Variants in CERKL observed in about 807,000 individuals in gnomAD.
CERKL encodes ceramide kinase-like protein.
CERKL carries 61 observed loss-of-function variants against 63.4 expected under a neutral mutation model. That is an observed-to-expected ratio of 0.96 (90% CI 0.78 to 1.19). The LOEUF is 1.19. CERKL is among the 50% of genes most tolerant of loss of function. CERKL has a pLI of 0.00. For synonymous variants in CERKL, 250 were observed against 230.5 expected, an observed-to-expected ratio of 1.08 and a Z score of -0.77; for missense variants, 675 against 655.5, an observed-to-expected ratio of 1.03 and a Z score of -0.33.
At chr2:181,634,648 T>C (rs1158596061) in intron 1 of CERKL, among the ~76,000 whole-genome samples, 1 of 152,088 alleles carries the variant, frequency 6.6e-6, no homozygotes, top group Non-Finnish European at 1.5e-5. Context: ...ACCTCTAACA[T>C]GGGTTTTCTG....
rs377625662 is a variant in CERKL at position 181,547,631 on chromosome 2, C to T, written c.1255G>A (p.Ala419Thr). The change falls in exon 10 of 13, where the codon GCA (alanine) becomes ACA (threonine). Residue 419 changes from alanine (A) to threonine (T), a missense_variant. Transcript: ENST00000410087. ...ATGCTTACTAACCTGGTATTAGGTG[C>T]CAAGCCTCTAGGTGCCACTGAACAC... ...CLCSVAPRGLAPNTRLNNGSM... is the reference protein window; with the variant it reads ...CLCSVAPRGLTPNTRLNNGSM... 1.9e-5 allele frequency: 31 copies of T among 1,613,846 alleles called. No individual in the cohort carries two copies. The highest frequency in any genetic ancestry group is 1.6e-4 in the Middle Eastern group (1 of 6,062).
chr2:181,547,919 CTAT>C, intron 8 of CERKL, 72 bp from the exon 9 acceptor site: 3 of 1,104,250 alleles, frequency 2.7e-6, no homozygotes, highest in Non-Finnish European at 3.8e-6. Context: ...ACACACAAAT[CTAT>C]TAAATATGAG....
At chr2:181,557,495 G>A (rs1688263897) in intron 5 of CERKL, among the ~76,000 whole-genome samples, 2 of 152,220 alleles carry the variant, frequency 1.3e-5, no homozygotes, top group Admixed American at 1.3e-4. Flanking sequence ...CGTTAAATAG[G>A]GATGAGTGAT....
chr2:181,592,186 AATC>A (rs1685016421), intron 2 of CERKL, among the ~76,000 whole-genome samples: 1 of 152,146 alleles, frequency 6.6e-6, no homozygotes, highest in African/African-American at 2.4e-5. Flanking sequence ...AAGAAATCTG[AATC>A]ATCTTTCTCT....
intron 8 of CERKL, 199 bp downstream of exon 8, chr2:181,548,346 G>A: frequency 1.7e-6 from 1 of 590,594 alleles, no homozygotes; most frequent in East Asian, 2.8e-5. Flanking sequence ...AAGGAAGGGA[G>A]GAAAGAAGGA....
chr2:181,606,611 C>G (rs1238179647), intron 1 of CERKL, among the ~76,000 whole-genome samples: 3 of 147,120 alleles, frequency 2.0e-5, no homozygotes, highest in Non-Finnish European at 4.5e-5. Flanking sequence ...AGGCCTTTTT[C>G]TCAATTATTG....
At chr2:181,597,508 G>A (rs1356555237) in intron 2 of CERKL, among the ~76,000 whole-genome samples, 1 of 152,196 alleles carries the variant, frequency 6.6e-6, no homozygotes, top group African/African-American at 2.4e-5. Context: ...GTGCCCATGG[G>A]AAGAAGCTGG....
intron 10 of CERKL, among the ~76,000 whole-genome samples, chr2:181,546,271 G>C (rs1687723042): frequency 6.6e-6 from 1 of 152,154 alleles, no homozygotes; most frequent in African/African-American, 2.4e-5. Flanking sequence ...TGAATCGATT[G>C]TTCCCAGAAG....
rs1225563637 is a variant in CERKL at position 181,558,869 on chromosome 2, C to T, written c.678-161G>A. 6.6e-6 allele frequency among the ~76,000 whole-genome samples: 1 copy of T among 152,140 alleles called. No individual in the cohort carries two copies. The highest frequency in any genetic ancestry group is 1.5e-5 in the Non-Finnish European group (1 of 68,022). The stretch of plus-strand genomic sequence containing the variant: ...TAATATGTGTCAATGGGTAAGACAA[C>T]ACAAACACAACACAGGTAAGTTTAC... On this transcript the variant is annotated intron_variant, in intron 4 of 12. Transcript: ENST00000410087. This position sits in a 1 kb window ranked among gnomAD's most constrained non-coding sequence, Gnocchi z 4.2.
intron 1 of CERKL, chr2:181,650,106 GGAGGGAGGAAGGA>G (rs1574069381): frequency 3.7e-5 from 3 of 81,046 alleles, no homozygotes; most frequent in African/African-American, 1.9e-4. Context: ...AGGGAGGGAG[GGAGGGAGGAAGGA>G]AGGAAGGAAG....
intron 1 of CERKL, among the ~76,000 whole-genome samples, chr2:181,644,352 A>G (rs547530356): frequency 6.6e-6 from 1 of 152,376 alleles, no homozygotes; most frequent in Non-Finnish European, 1.5e-5. Context: ...GGTCACAGCT[A>G]GCTTGATAAT....
intron 2 of CERKL, among the ~76,000 whole-genome samples, chr2:181,601,120 G>C (rs575001831): frequency 6.6e-6 from 1 of 152,148 alleles, no homozygotes; most frequent in South Asian, 2.1e-4. Context: ...CAAAATTAAT[G>C]CATAAATCAA....
intron 1 of CERKL, among the ~76,000 whole-genome samples, chr2:181,640,513 T>G (rs1687373178): frequency 6.6e-6 from 1 of 152,200 alleles, no homozygotes. Context: ...AGTGGCAGGC[T>G]AGGTGGGATA....
rs111358822 is a variant in CERKL at position 181,595,508 on chromosome 2, C to G, written c.481+8329G>C. Among the ~76,000 whole-genome samples the G allele has an allele frequency of 8.0e-3, 1,215 of 152,212 alleles. 18 individuals are homozygous for G. Among genetic ancestry groups the G allele is most frequent in the African/African-American group, 0.027 (1,141 of 41,518 alleles). On this transcript the variant is annotated intron_variant, in intron 2 of 12. Coordinates refer to ENST00000410087, the MANE Select transcript of CERKL (RefSeq NM_201548.5). ...GTTTTTACAGTAGAGTCTAAATCTA[C>G]TATAAATCTAAACACAGTAAATAAA...
At chr2:181,539,987 G>T (rs571743204) in intron 11 of CERKL, among the ~76,000 whole-genome samples, 2 of 152,250 alleles carry the variant, frequency 1.3e-5, no homozygotes, top group African/African-American at 4.8e-5. Flanking sequence ...TCAGAAAAAT[G>T]ACATGAGATA....
intron 1 of CERKL, among the ~76,000 whole-genome samples, chr2:181,628,076 G>C (rs1686789633): frequency 7.2e-6 from 1 of 138,504 alleles, no homozygotes; most frequent in African/African-American, 2.8e-5. Flanking sequence ...GGTTTCATTT[G>C]TGCTCAGAAC....
chr2:181,589,585 C>T (rs1684902877), intron 2 of CERKL, among the ~76,000 whole-genome samples: 2 of 152,080 alleles, frequency 1.3e-5, no homozygotes, highest in Non-Finnish European at 2.9e-5. Context: ...ATGGACTTTT[C>T]AATAACTTGT....
intron 1 of CERKL, among the ~76,000 whole-genome samples, chr2:181,636,757 A>T (rs1049090169): frequency 6.6e-6 from 1 of 152,132 alleles, no homozygotes; most frequent in Admixed American, 6.6e-5. Flanking sequence ...GGCCCACATT[A>T]AAGTTTACCC....
chr2:181,615,749 T>C (rs754338585), intron 1 of CERKL, among the ~76,000 whole-genome samples: 2 of 152,216 alleles, frequency 1.3e-5, no homozygotes, highest in Non-Finnish European at 2.9e-5. Flanking sequence ...ACTTTAATTG[T>C]TAGAAGAAAA....
Sources: gnomAD v4.1 joint callset for allele counts (sites outside exome capture counted in the v4.1 genomes callset) on GRCh38, gnomAD v4.1.1 for gene constraint, Gnocchi (gnomAD v3.1) non-coding constraint, MANE v1.5 for transcripts, NCBI Gene and HGNC (gene_info 2026-07-23, HGNC 2026-07-21) for gene names.